Variants in SLC25A36 observed in about 807,000 individuals in gnomAD.
SLC25A36 encodes solute carrier family 25 member 36, also known as epididymis secretory sperm binding protein.
In SLC25A36, 24 loss-of-function variants were observed where a neutral mutation model predicts 35.3. The ratio of observed to expected loss-of-function variants is 0.68; its 90% confidence interval spans 0.49 to 0.96. The LOEUF is 0.96. Among genes scored for constraint, SLC25A36 ranks in the 40% least tolerant of loss-of-function variants. The pLI, the probability that SLC25A36 is intolerant of heterozygous loss-of-function variation, is 0.00. For synonymous variants in SLC25A36, 141 were observed against 132.2 expected (o/e 1.07, Z -0.46); for missense variants, 294 against 381.1 (o/e 0.77, Z 1.90).
chr3:140,958,490 T>C (rs943523005), intron 2 of SLC25A36, among the ~76,000 whole-genome samples: 2 of 152,240 alleles, frequency 1.3e-5, no homozygotes, highest in Non-Finnish European at 2.9e-5. Context: ...GGCCTCGCCT[T>C]CTTTTTTCTA....
At chr3:140,958,958 TTTTGTG>T (rs1481156962) in intron 2 of SLC25A36, among the ~76,000 whole-genome samples, 3 of 126,138 alleles carry the variant, frequency 2.4e-5, no homozygotes, top group Admixed American at 8.0e-5. Context: ...AAAAACAATG[TTTTGTG>T]TGTGTGTGTG....
At chr3:140,962,050 A>C (rs917115215) in intron 3 of SLC25A36, among the ~76,000 whole-genome samples, 1 of 151,906 alleles carries the variant, frequency 6.6e-6, no homozygotes. Context: ...TCATTTGTAT[A>C]TCTCTCCTGT....
At chr3:140,965,534 A>G (rs1934738247) in intron 4 of SLC25A36, 1 of 151,750 alleles carries the variant, frequency 6.6e-6, no homozygotes, top group African/African-American at 2.4e-5. Flanking sequence ...TGACCTCTCA[A>G]TTCATTTTCA....
rs73870072 is a variant in SLC25A36 at position 140,966,554 on chromosome 3, T to G, written c.385+3327T>G. On this transcript the variant is annotated intron_variant, in intron 4 of 6. Transcript: ENST00000324194. ...TTTAAGATTTATTAAGTAGGCTGATTGTTAAAGGATAGAAATTGTGTTTTC... is the reference window on the plus strand; with the variant it reads ...TTTAAGATTTATTAAGTAGGCTGATGGTTAAAGGATAGAAATTGTGTTTTC... The G allele has an allele frequency of 7.0e-3, 1,275 of 182,164 alleles. 28 individuals carry two copies. Among genetic ancestry groups the G allele is most frequent in the African/African-American group, 0.029 (1,194 of 41,722 alleles). 11.3% of individuals were successfully genotyped at this position (182,164 alleles called of 1,614,324 possible).
intron 4 of SLC25A36, chr3:140,966,835 T>A: frequency 2.4e-6 from 1 of 422,150 alleles, no homozygotes; most frequent in Non-Finnish European, 4.9e-6. Flanking sequence ...TCACAGTAAA[T>A]ATTTCTCAAA....
chr3:140,973,436 G>A (rs1934957345), intron 5 of SLC25A36, among the ~76,000 whole-genome samples: 1 of 152,108 alleles, frequency 6.6e-6, no homozygotes, highest in Admixed American at 6.6e-5. Flanking sequence ...AAAGGATTTT[G>A]TTGCTTATCC....
At chr3:140,962,007 A>AT (rs1448394585) in intron 3 of SLC25A36, among the ~76,000 whole-genome samples, 3 of 151,476 alleles carry the variant, frequency 2.0e-5, no homozygotes, top group Non-Finnish European at 4.4e-5. Flanking sequence ...GATTTATTTA[A>AT]TTTTTGGTGC....
In SLC25A36 at chr3:140,979,258, A is replaced by G. The variant is rs1171132611; in HGVS notation, c.*2805A>G. On this transcript the variant is annotated 3_prime_UTR_variant, in exon 7 of 7. Transcript: ENST00000324194. ...TAGGACCAGCAGAGTTTGGGTTGGTAAAAATAATGTTTGCTCTATTACTGG... is the reference window on the plus strand; with the variant it reads ...TAGGACCAGCAGAGTTTGGGTTGGTGAAAATAATGTTTGCTCTATTACTGG... 6 of 152,192 alleles carry G rather than the reference A, an allele frequency of 3.9e-5. No individual in the cohort carries two copies. The East Asian group carries it at 1.2e-3, about 29-fold the overall frequency. 9.4% of individuals were successfully genotyped at this position (152,192 alleles called of 1,614,324 possible).
intron 1 of SLC25A36, among the ~76,000 whole-genome samples, chr3:140,953,204 T>C (rs898789993): frequency 3.9e-5 from 6 of 152,210 alleles, no homozygotes; most frequent in Non-Finnish European, 7.3e-5. Context: ...CTATTTAAGA[T>C]TCCTCTTGTG....
chr3:140,952,873 A>G (rs1257906024), intron 1 of SLC25A36, among the ~76,000 whole-genome samples: 8 of 152,218 alleles, frequency 5.3e-5, no homozygotes. Context: ...ATTCATATTC[A>G]AGAATACTCT....
chr3:140,949,385 T>C (rs1399277423), intron 1 of SLC25A36, among the ~76,000 whole-genome samples: 1 of 152,228 alleles, frequency 6.6e-6, no homozygotes, highest in African/African-American at 2.4e-5. Flanking sequence ...CTGTACAATT[T>C]GGCAAACATC....
At chr3:140,948,831 A>G (rs1576476508) in intron 1 of SLC25A36, among the ~76,000 whole-genome samples, 1 of 152,184 alleles carries the variant, frequency 6.6e-6, no homozygotes, top group Non-Finnish European at 1.5e-5. Flanking sequence ...GCAGCTTAGG[A>G]CTATCCAGTC....
At chr3:140,968,726 C>G in intron 4 of SLC25A36, 4 of 980,822 alleles carry the variant, frequency 4.1e-6, no homozygotes. Flanking sequence ...TGGACAGAAG[C>G]TTGGGTACTG....
intron 1 of SLC25A36, among the ~76,000 whole-genome samples, chr3:140,949,399 A>G (rs895197355): frequency 6.6e-6 from 1 of 152,242 alleles, no homozygotes; most frequent in Non-Finnish European, 1.5e-5. Context: ...AAACATCATT[A>G]AAATAGTTTT....
chr3:140,961,725 G>A (rs36034540), intron 3 of SLC25A36, among the ~76,000 whole-genome samples: 4,383 of 151,514 alleles, frequency 0.029, 129 homozygotes, highest in Non-Finnish European at 0.038. Flanking sequence ...GTGTGGTGGC[G>A]GTCGCCTGTA....
chr3:140,974,034 A>G (rs2107818000), intron 6 of SLC25A36, 29 bp downstream of exon 6: 1 of 1,458,804 alleles, frequency 6.9e-7, no homozygotes, highest in Non-Finnish European at 9.2e-7. Flanking sequence ...TAAATCAGAA[A>G]TATTTTCCCA....
intron 1 of SLC25A36, among the ~76,000 whole-genome samples, chr3:140,949,707 C>T (rs1934267601): frequency 6.6e-6 from 1 of 152,174 alleles, no homozygotes; most frequent in Non-Finnish European, 1.5e-5. Context: ...TTTGATGTTA[C>T]AAAGTAATGA....
rs116402004 is a variant in SLC25A36, at chr3:140,954,935, T to C, written c.42-1592T>C. On this transcript the variant is annotated intron_variant, in intron 1 of 6. Transcript: ENST00000324194. ...GCCTAACGCAAAGTTAAAAGATTTTTTTCCAGATGTTTTTTTCCTAGATGT... is the reference window on the plus strand; with the variant it reads ...GCCTAACGCAAAGTTAAAAGATTTTCTTCCAGATGTTTTTTTCCTAGATGT... 8.2e-3 allele frequency among the ~76,000 whole-genome samples: 1,242 copies of C among 152,292 alleles called. 29 individuals are homozygous for C. Among genetic ancestry groups the C allele is most frequent in the African/African-American group, 0.028 (1,169 of 41,586 alleles).
intron 1 of SLC25A36, among the ~76,000 whole-genome samples, chr3:140,952,767 A>T (rs1428568805): frequency 1.3e-5 from 2 of 152,226 alleles, no homozygotes; most frequent in Non-Finnish European, 2.9e-5. Flanking sequence ...ATGACTGGGT[A>T]GGAATCATGG....
Sources: gnomAD v4.1 joint callset for allele counts (sites outside exome capture counted in the v4.1 genomes callset) on GRCh38, gnomAD v4.1.1 for gene constraint, MANE v1.5 for transcripts, NCBI Gene and HGNC (gene_info 2026-07-23, HGNC 2026-07-21) for gene names.